Variants in DPY30 observed in about 807,000 individuals in gnomAD.
The protein encoded by DPY30 is protein dpy-30 homolog.
In DPY30, 6 loss-of-function variants were observed where a neutral mutation model predicts 16.2. That is an observed-to-expected ratio of 0.37 (90% CI 0.20 to 0.73). The LOEUF (loss-of-function observed/expected upper bound fraction) is 0.73. Among genes scored for constraint, DPY30 ranks in the 30% least tolerant of loss-of-function variants. The pLI is 0.51. For synonymous variants in DPY30, 39 were observed against 38.8 expected (o/e 1.00, Z -0.02); for missense variants, 73 against 113.1 (o/e 0.65, Z 1.61).
intron 3 of DPY30, among the ~76,000 whole-genome samples, chr2:32,037,715 G>A (rs1346598545): frequency 1.3e-5 from 2 of 151,752 alleles, no homozygotes; most frequent in African/African-American, 2.4e-5. Context: ...TTGCCACCAC[G>A]CCTGGCTAAT....
intron 5 of DPY30, among the ~76,000 whole-genome samples, chr2:32,015,394 C>A (rs984252417): frequency 6.6e-6 from 1 of 152,138 alleles, no homozygotes; most frequent in Non-Finnish European, 1.5e-5. Context: ...TTATTAAATA[C>A]TGTGTATCTG....
chr2:32,029,524 A>G (rs764082814), intron 4 of DPY30, 70 bp downstream of exon 4: 74 of 1,571,618 alleles, frequency 4.7e-5, no homozygotes, highest in Non-Finnish European at 6.3e-5. Flanking sequence ...ATACATAACT[A>G]TGATATTTCA....
At chr2:32,028,201 C>G (rs1172444691) in intron 4 of DPY30, among the ~76,000 whole-genome samples, 1 of 151,066 alleles carries the variant, frequency 6.6e-6, no homozygotes, top group Non-Finnish European at 1.5e-5. Context: ...GCCTCAAACT[C>G]CTGGGCCCAA....
downstream of DPY30, among the ~76,000 whole-genome samples, chr2:32,011,699 A>G: frequency 6.6e-6 from 1 of 152,242 alleles, no homozygotes; most frequent in East Asian, 1.9e-4. Flanking sequence ...TTGCAAAAGT[A>G]GGAATAGAGG....
At chr2:32,022,309 A>C (rs1675203013), downstream of DPY30, among the ~76,000 whole-genome samples, 1 of 152,140 alleles carries the variant, frequency 6.6e-6, no homozygotes, top group Non-Finnish European at 1.5e-5. Context: ...AAATAACCAA[A>C]ATAAATTTGA....
chr2:32,037,336 CCT>C (rs1675783239), intron 3 of DPY30, among the ~76,000 whole-genome samples: 1 of 151,936 alleles, frequency 6.6e-6, no homozygotes, highest in Admixed American at 6.6e-5. Flanking sequence ...ACAAGGTCTC[CCT>C]GTCTCACTCA....
chr2:32,038,773 G>C lies in DPY30; in HGVS notation c.84+506C>G, dbSNP rs191676736. ...AGAGATTCTCTGGCCTCAGCCACCC[G>C]AACAGATAGGATTACAGTCATCCAC... On this transcript the variant is annotated intron_variant, in intron 3 of 4. Coordinates refer to ENST00000342166, the MANE Select transcript of DPY30 (RefSeq NM_001321209.2). 1.5e-4 allele frequency among the ~76,000 whole-genome samples: 21 copies of C among 144,158 alleles called. No individual in the cohort carries two copies. The East Asian group carries it at 4.3e-3, about 30-fold the overall frequency. 94.6% of individuals were successfully genotyped at this position (144,158 alleles called of 152,430 possible).
At chr2:32,025,629 G>A (rs1252563372) in intron 4 of DPY30, among the ~76,000 whole-genome samples, 1 of 151,994 alleles carries the variant, frequency 6.6e-6, no homozygotes, top group Non-Finnish European at 1.5e-5. Context: ...GGGCGTGGTA[G>A]TGCATGCCTG....
intron 3 of DPY30, among the ~76,000 whole-genome samples, chr2:32,035,234 G>A (rs911421049): frequency 2.6e-5 from 4 of 152,050 alleles, no homozygotes; most frequent in African/African-American, 7.2e-5. Flanking sequence ...AGTGAGCTAC[G>A]ATCATGCCAC....
chr2:32,029,311 G>A (rs1270068359), intron 4 of DPY30, among the ~76,000 whole-genome samples: 1 of 152,064 alleles, frequency 6.6e-6, no homozygotes, highest in Non-Finnish European at 1.5e-5. Context: ...CATGAAGACT[G>A]TGGAGAGATA....
In DPY30 at chr2:32,016,226, A is replaced by G. The variant is rs531309544; in HGVS notation, n.378-4174T>C. ...AGGCTGGCAAGGTTTTTTAAAAAAC[A>G]ATTACTCATTACCAACTACCCCTTT... is the stretch of plus-strand genomic sequence containing the variant. On this transcript the variant is annotated intron_variant and non_coding_transcript_variant, in intron 5 of 5. Transcript: ENST00000414013. 7.9e-4 allele frequency among the ~76,000 whole-genome samples: 120 copies of G among 152,304 alleles called. 1 individual carries two copies. The highest frequency in any genetic ancestry group is 2.6e-3 in the African/African-American group (110 of 41,556).
At chr2:32,023,363 G>A (rs1378582809), downstream of DPY30, 5 of 460,670 alleles carry the variant, frequency 1.1e-5, no homozygotes, top group Admixed American at 9.8e-5. Flanking sequence ...ATTGCAAAGA[G>A]AAGCAATGAA....
chr2:32,015,561 T>C lies in DPY30; in HGVS notation n.378-3509A>G, dbSNP rs549040956. Among the ~76,000 whole-genome samples the C allele has an allele frequency of 7.2e-5, 11 of 152,108 alleles. No individual in the cohort carries two copies. The South Asian group carries it at 1.2e-3, about 17-fold the overall frequency. ...AATGGAACAACAGAGTCAAAAGATA[T>C]AAGGAGCCAGGCACAGTGGCTCACA... On this transcript the variant is annotated intron_variant and non_coding_transcript_variant, in intron 5 of 5. Coordinates refer to the DPY30 transcript ENST00000414013.
chr2:32,039,559 C>A lies in DPY30; in HGVS notation c.-36-67G>T, dbSNP rs1675886129. The A allele has an allele frequency of 1.1e-5, 16 of 1,504,340 alleles. No individual in the cohort carries two copies. The Admixed American group carries it at 2.9e-4, about 28-fold the overall frequency. 93.2% of individuals were successfully genotyped at this position (1,504,340 alleles called of 1,614,324 possible). On this transcript the variant is annotated intron_variant, in intron 1 of 4. Transcript: ENST00000342166. ...AACACGAAGACTCCAGGATGGAGTG[C>A]AGCCCAGCCCCCGACCCCGCCCCTC...
At chr2:32,023,441 A>G, downstream of DPY30, 1 of 471,432 alleles carries the variant, frequency 2.1e-6, no homozygotes, top group Non-Finnish European at 4.4e-6. Context: ...TGTCTTGAGC[A>G]TGTCACTTAA....
intron 3 of DPY30, among the ~76,000 whole-genome samples, chr2:32,035,858 C>T (rs562445071): frequency 6.7e-6 from 1 of 149,654 alleles, no homozygotes; most frequent in Non-Finnish European, 1.5e-5. Flanking sequence ...CACTTCAACC[C>T]GGGAGGCAGA....
chr2:32,024,901 A>G (rs917917666), intron 4 of DPY30, among the ~76,000 whole-genome samples: 1 of 152,214 alleles, frequency 6.6e-6, no homozygotes, highest in Non-Finnish European at 1.5e-5. Flanking sequence ...GAAGATAAAC[A>G]CATTTATAAA....
chr2:32,015,687 C>G (rs374180644), intron 5 of DPY30, among the ~76,000 whole-genome samples: 1 of 151,838 alleles, frequency 6.6e-6, no homozygotes, highest in East Asian at 1.9e-4. Flanking sequence ...CTACTAAAAA[C>G]AAATTAGCCT....
intron 3 of DPY30, among the ~76,000 whole-genome samples, chr2:32,031,013 TTTC>T (rs1324000234): frequency 6.6e-6 from 1 of 152,174 alleles, no homozygotes; most frequent in Non-Finnish European, 1.5e-5. Flanking sequence ...CAAGTTATAT[TTTC>T]TTCTTCACAA....
Sources: gnomAD v4.1 joint callset for allele counts (sites outside exome capture counted in the v4.1 genomes callset) on GRCh38, gnomAD v4.1.1 for gene constraint, MANE v1.5 for transcripts, NCBI Gene and HGNC (gene_info 2026-07-23, HGNC 2026-07-21) for gene names.